Variants in CTNND2 observed in about 807,000 individuals in gnomAD.
The protein encoded by CTNND2 is catenin delta 2, also known as catenin delta-2.
In CTNND2, 22 loss-of-function variants were observed where a neutral mutation model predicts 144.4. The observed-to-expected ratio is 0.15, with a 90% CI of 0.11 to 0.22. CTNND2 has a LOEUF of 0.22. Ranked by LOEUF, CTNND2 falls within the 10% of genes least tolerant of loss-of-function variation. The pLI is 1.00. For synonymous variants in CTNND2, 751 were observed against 695.6 expected, an observed-to-expected ratio of 1.08 and a Z score of -1.25; for missense variants, 1,353 against 1,618.8, an observed-to-expected ratio of 0.84 and a Z score of 2.82.
At chr5:11,550,047 G>A (rs1252808941) in intron 3 of CTNND2, among the ~76,000 whole-genome samples, 1 of 152,124 alleles carries the variant, frequency 6.6e-6, no homozygotes, top group Non-Finnish European at 1.5e-5. Context: ...TATTTAAGAA[G>A]AGAAAGAGCC....
At chr5:11,625,434 C>T (rs925278742) in intron 2 of CTNND2, among the ~76,000 whole-genome samples, 2 of 133,506 alleles carry the variant, frequency 1.5e-5, no homozygotes, top group Non-Finnish European at 3.3e-5. Context: ...GCTCTCTAGC[C>T]TACTCTTACT....
chr5:10,984,241 C>T (rs1007356684), intron 20 of CTNND2, among the ~76,000 whole-genome samples: 4 of 152,186 alleles, frequency 2.6e-5, no homozygotes, highest in Non-Finnish European at 5.9e-5. Context: ...TATGTATCCT[C>T]AGAACCTGGC....
chr5:11,576,627 A>G (rs1777989421), intron 2 of CTNND2, among the ~76,000 whole-genome samples: 1 of 152,130 alleles, frequency 6.6e-6, no homozygotes, highest in Non-Finnish European at 1.5e-5. Context: ...CCAAATTGTG[A>G]AATCTACATT....
intron 1 of CTNND2, among the ~76,000 whole-genome samples, chr5:11,778,544 T>C (rs746233742): frequency 1.3e-5 from 2 of 152,138 alleles, no homozygotes; most frequent in Non-Finnish European, 2.9e-5. Context: ...AATTGAATCA[T>C]GTGGAAAACA....
intron 12 of CTNND2, among the ~76,000 whole-genome samples, chr5:11,124,391 A>G (rs909091707): frequency 3.9e-5 from 6 of 152,222 alleles, no homozygotes; most frequent in African/African-American, 1.4e-4. Context: ...ATCATAAATT[A>G]CCTGATCTGA....
At chr5:11,707,529 C>A (rs1043752677) in intron 2 of CTNND2, among the ~76,000 whole-genome samples, 1 of 152,138 alleles carries the variant, frequency 6.6e-6, no homozygotes, top group African/African-American at 2.4e-5. Flanking sequence ...ACCTTTCCAG[C>A]CTCTGTAGTT....
At chr5:11,340,610 T>C (rs58818466) in intron 9 of CTNND2, among the ~76,000 whole-genome samples, 2,148 of 152,330 alleles carry the variant, frequency 0.014, 53 homozygotes, top group African/African-American at 0.048. Flanking sequence ...ATGGAATCAC[T>C]CTACAAGAAG....
intron 5 of CTNND2, among the ~76,000 whole-genome samples, chr5:11,400,946 G>A (rs1369071327): frequency 7.2e-5 from 11 of 152,186 alleles, no homozygotes; most frequent in Non-Finnish European, 1.5e-5. Context: ...ATATATACAT[G>A]TCAGCAGTTT....
intron 3 of CTNND2, among the ~76,000 whole-genome samples, chr5:11,532,784 G>C (rs1383593604): frequency 2.0e-5 from 3 of 152,172 alleles, no homozygotes; most frequent in Non-Finnish European, 4.4e-5. Flanking sequence ...ATATTTCACT[G>C]AATAAATTTT....
chr5:10,988,259 A>AAAG lies in CTNND2; in HGVS notation c.3212-20_3212-18dup. 1 of 1,614,048 alleles carries AAAG rather than the reference A, an allele frequency of 6.2e-7. No individual in the cohort carries two copies. Among genetic ancestry groups the AAAG allele is most frequent in the South Asian group, 1.1e-5 (1 of 91,064 alleles). On this transcript the variant is annotated splice_polypyrimidine_tract_variant and intron_variant, in intron 19 of 21. Coordinates refer to ENST00000304623, the MANE Select transcript of CTNND2 (RefSeq NM_001332.4). This position sits in a 1 kb window ranked among gnomAD's most constrained non-coding sequence, Gnocchi z 5.9. The stretch of plus-strand genomic sequence containing the variant: ...GGGCACTTGCTACATAAAGAAATCA[A>AAAG]AAGGGGGATTTTCTGCATCTCATCC...
At chr5:11,398,344 CATG>C (rs1760325663) in intron 5 of CTNND2, among the ~76,000 whole-genome samples, 1 of 152,206 alleles carries the variant, frequency 6.6e-6, no homozygotes, top group Admixed American at 6.5e-5. Flanking sequence ...TCGAATGAGA[CATG>C]ATGTGGATCA....
At chr5:11,517,871 A>T (rs1224719410) in intron 3 of CTNND2, among the ~76,000 whole-genome samples, 1 of 152,224 alleles carries the variant, frequency 6.6e-6, no homozygotes, top group Non-Finnish European at 1.5e-5. Context: ...AAGTTGAAGT[A>T]CACGATGCAG....
At chr5:11,568,643 G>C (rs1487627952) in intron 2 of CTNND2, among the ~76,000 whole-genome samples, 1 of 152,200 alleles carries the variant, frequency 6.6e-6, no homozygotes, top group Non-Finnish European at 1.5e-5. Context: ...AAGGCATCTA[G>C]AGAAGACACA....
At chr5:11,177,184 C>T (rs2149794159) in intron 11 of CTNND2, among the ~76,000 whole-genome samples, 1 of 152,260 alleles carries the variant, frequency 6.6e-6, no homozygotes, top group Admixed American at 6.5e-5. Context: ...TTCCAATGCA[C>T]TCAGGTTCTC....
At chr5:11,044,447 T>C (rs1378021827) in intron 16 of CTNND2, among the ~76,000 whole-genome samples, 2 of 151,914 alleles carry the variant, frequency 1.3e-5, no homozygotes, top group South Asian at 4.2e-4. Context: ...TATAGAACGA[T>C]ATTTTCTATG....
At chr5:11,655,144 A>G (rs1236062362) in intron 2 of CTNND2, among the ~76,000 whole-genome samples, 1 of 152,086 alleles carries the variant, frequency 6.6e-6, no homozygotes, top group Admixed American at 6.6e-5. Flanking sequence ...GTTTTAAAGA[A>G]TGTTTTGATT....
intron 3 of CTNND2, among the ~76,000 whole-genome samples, chr5:11,441,780 G>C (rs987268350): frequency 1.3e-5 from 2 of 152,034 alleles, no homozygotes; most frequent in African/African-American, 4.8e-5. Flanking sequence ...CCTGTCTGGA[G>C]GGAAGTGCAT....
intron 3 of CTNND2, among the ~76,000 whole-genome samples, chr5:11,507,129 G>A (rs1020513630): frequency 1.3e-5 from 2 of 152,164 alleles, no homozygotes; most frequent in Non-Finnish European, 2.9e-5. Flanking sequence ...CAGTACACAA[G>A]GATTGCCTGT....
At chr5:11,035,795 A>G (rs549604874) in intron 16 of CTNND2, among the ~76,000 whole-genome samples, 17 of 152,134 alleles carry the variant, frequency 1.1e-4, no homozygotes, top group Non-Finnish European at 2.2e-4. Context: ...AGTTATGGAA[A>G]GGTTGAGAAG....
Sources: allele counts gnomAD v4.1 joint callset (sites outside exome capture counted in the v4.1 genomes callset), GRCh38; gene constraint gnomAD v4.1.1; non-coding constraint Gnocchi (gnomAD v3.1); transcripts MANE v1.5; gene names NCBI Gene and HGNC (gene_info 2026-07-23, HGNC 2026-07-21).